Variants in EYS observed in about 807,000 individuals in gnomAD.
EYS encodes EGF-like photoreceptor maintenance factor.
Under a neutral mutation model 282.1 loss-of-function variants are expected in EYS, and 250 were observed. That is an observed-to-expected ratio of 0.89 (90% CI 0.80 to 0.98). EYS has a LOEUF of 0.98. Ranked by LOEUF, EYS falls within the 50% of genes least tolerant of loss-of-function variation. EYS has a pLI of 0.00. For synonymous variants in EYS, 1,355 were observed against 1,282.9 expected (o/e 1.06, Z -1.20); for missense variants, 4,016 against 3,709.0 (o/e 1.08, Z -2.15).
At chr6:65,424,117 C>G (rs1165757501) in intron 5 of EYS, among the ~76,000 whole-genome samples, 1 of 151,938 alleles carries the variant, frequency 6.6e-6, no homozygotes, top group African/African-American at 2.4e-5. Context: ...TCATCATTAA[C>G]TCAGCCAAAG....
intron 22 of EYS, among the ~76,000 whole-genome samples, chr6:64,759,394 T>C (rs950537354): frequency 4.6e-5 from 7 of 152,208 alleles, no homozygotes; most frequent in African/African-American, 1.7e-4. Context: ...TTTGTAAATA[T>C]AGTTTTATGT....
intron 5 of EYS, among the ~76,000 whole-genome samples, chr6:65,443,713 CACATATATACACATACGTGCAT>C (rs1768533674): frequency 1.8e-5 from 1 of 54,524 alleles, no homozygotes; most frequent in Non-Finnish European, 4.3e-5. Context: ...TGTGCATATA[CACATATATACACATACGTGCAT>C]ATACACATAT....
chr6:64,008,259 G>C (rs1446897708), intron 33 of EYS, among the ~76,000 whole-genome samples: 1 of 151,882 alleles, frequency 6.6e-6, no homozygotes, highest in Non-Finnish European at 1.5e-5. Context: ...ATCATTATTG[G>C]CTTGAAGTCT....
At chr6:64,178,794 C>T (rs1562240441) in intron 31 of EYS, among the ~76,000 whole-genome samples, 1 of 152,086 alleles carries the variant, frequency 6.6e-6, no homozygotes, top group Non-Finnish European at 1.5e-5. Context: ...TTACTCCTGA[C>T]ACTGGTAGTT....
At chr6:64,428,470 T>C (rs1774478415) in intron 28 of EYS, among the ~76,000 whole-genome samples, 4 of 152,138 alleles carry the variant, frequency 2.6e-5, no homozygotes, top group African/African-American at 9.6e-5. Flanking sequence ...CTGTAGGTCA[T>C]TTATACTAGA....
At chr6:63,731,452 T>C (rs1258428332) in intron 41 of EYS, among the ~76,000 whole-genome samples, 1 of 152,208 alleles carries the variant, frequency 6.6e-6, no homozygotes, top group East Asian at 1.9e-4. Flanking sequence ...ATCCTCATAT[T>C]TGTCATTTTT....
chr6:63,943,030 G>T (rs1271129497), intron 35 of EYS, among the ~76,000 whole-genome samples: 1 of 152,134 alleles, frequency 6.6e-6, no homozygotes, highest in Admixed American at 6.6e-5. Context: ...TCAAATATGT[G>T]TTAACTGTTT....
chr6:63,911,765 T>C (rs186992500), intron 35 of EYS, among the ~76,000 whole-genome samples: 1 of 152,206 alleles, frequency 6.6e-6, no homozygotes, highest in South Asian at 2.1e-4. Context: ...TAATTGGAGA[T>C]ACCATGAGGT....
chr6:65,057,211 A>G (rs1773443392), intron 13 of EYS, among the ~76,000 whole-genome samples: 1 of 152,062 alleles, frequency 6.6e-6, no homozygotes, highest in South Asian at 2.1e-4. Context: ...AATACCATCA[A>G]AGTTGAACAC....
Position 65,495,446 on chromosome 6 carries a change from AATTGCTGCAAAATGGTGTTTTAAGT to A in EYS, c.-61_-37del. 6.3e-7 allele frequency: 1 copy of A among 1,599,300 alleles called. No individual in the cohort carries two copies. The highest frequency in any genetic ancestry group is 8.5e-7 in the Non-Finnish European group (1 of 1,177,348). Reference sequence around the variant, plus strand: ...CTGTATTTTACAGTTTATCATAAAGAATTGCTGCAAAATGGTGTTTTAAGTATTACCGGAAATTTCCAAGTAAAGT... The same window carrying A: ...CTGTATTTTACAGTTTATCATAAAGAATTACCGGAAATTTCCAAGTAAAGT... On this transcript the variant is annotated 5_prime_UTR_variant, in exon 4 of 43. Transcript: ENST00000503581.
chr6:65,144,448 G>T (rs576101976), intron 12 of EYS, among the ~76,000 whole-genome samples: 9 of 152,162 alleles, frequency 5.9e-5, no homozygotes, highest in East Asian at 3.9e-4. Context: ...TATTACCTTT[G>T]AATGGAAAAA....
chr6:64,641,535 C>T (rs1351170196), intron 22 of EYS, among the ~76,000 whole-genome samples: 5 of 152,180 alleles, frequency 3.3e-5, no homozygotes, highest in Non-Finnish European at 7.3e-5. Context: ...AAGGGAATCT[C>T]TTGCTCTCTT....
At chr6:64,802,202 A>AT (rs1313697692) in intron 22 of EYS, among the ~76,000 whole-genome samples, 1 of 150,552 alleles carries the variant, frequency 6.6e-6, no homozygotes, top group Non-Finnish European at 1.5e-5. Context: ...CCCGGCTAAT[A>AT]TTTTTTATTT....
chr6:65,208,597 T>C (rs556433492), intron 12 of EYS, among the ~76,000 whole-genome samples: 1 of 151,824 alleles, frequency 6.6e-6, no homozygotes, highest in African/African-American at 2.4e-5. Flanking sequence ...GTTATATATC[T>C]AAACCATGAA....
At chr6:64,893,371 C>T (rs1767349869) in intron 18 of EYS, among the ~76,000 whole-genome samples, 1 of 151,942 alleles carries the variant, frequency 6.6e-6, no homozygotes, top group Non-Finnish European at 1.5e-5. Flanking sequence ...ATGAATCTAA[C>T]CATGAGGCAT....
intron 18 of EYS, among the ~76,000 whole-genome samples, chr6:64,892,183 C>T (rs533386916): frequency 1.6e-4 from 25 of 151,902 alleles, no homozygotes; most frequent in East Asian, 3.9e-4. Context: ...AAATTAGCCA[C>T]GATTACATTT....
At chr6:65,577,086 A>T (rs957635306) in intron 2 of EYS, among the ~76,000 whole-genome samples, 1 of 151,826 alleles carries the variant, frequency 6.6e-6, no homozygotes, top group African/African-American at 2.4e-5. Context: ...TTTAAATGAA[A>T]ACACACACAA....
At chr6:64,612,644 A>C (rs1767149548) in intron 24 of EYS, among the ~76,000 whole-genome samples, 1 of 152,114 alleles carries the variant, frequency 6.6e-6, no homozygotes. Flanking sequence ...CTGAGAGTTC[A>C]GACTTTTAAT....
chr6:65,057,723 C>T lies in EYS; in HGVS notation c.2028G>A (p.Thr676=), dbSNP rs758722034. The change falls in exon 13 of 43, where the codon ACG becomes ACA. Residue 676 remains threonine (T), a synonymous_variant. Coordinates refer to ENST00000503581, the MANE Select transcript of EYS (RefSeq NM_001142800.2). The stretch of plus-strand genomic sequence containing the variant: ...ACTCATCTATATCAATTTCACATTG[C>T]GTACCTTTGGAAAATAGGAAAAAAA... The part of the protein sequence containing the change: ...FRKCVPGFKG[T]QCEIDIDECA... 3.2e-5 allele frequency: 49 copies of T among 1,540,202 alleles called. No homozygotes were observed. The highest frequency in any genetic ancestry group is 9.6e-5 in the African/African-American group (7 of 72,622).
Sources: allele counts gnomAD v4.1 joint callset (sites outside exome capture counted in the v4.1 genomes callset), GRCh38; gene constraint gnomAD v4.1.1; transcripts MANE v1.5; gene names NCBI Gene and HGNC (gene_info 2026-07-23, HGNC 2026-07-21).